AGFG1: variants seen among roughly 807,000 people sequenced by gnomAD.
The protein encoded by AGFG1 is arf-GAP domain and FG repeat-containing protein 1.
AGFG1 carries 10 observed loss-of-function variants against 60.6 expected under a neutral mutation model. The observed-to-expected ratio is 0.16, with a 90% CI of 0.10 to 0.28. AGFG1 has a LOEUF of 0.28. Ranked by LOEUF, AGFG1 falls within the 10% of genes least tolerant of loss-of-function variation. The probability of loss-of-function intolerance (pLI) is 1.00; values close to 1 mark genes in which losing one functional copy is unlikely to be tolerated. For synonymous variants in AGFG1, 247 were observed against 242.9 expected, an observed-to-expected ratio of 1.02 and a Z score of -0.16; for missense variants, 537 against 676.5, an observed-to-expected ratio of 0.79 and a Z score of 2.29.
intron 1 of AGFG1, among the ~76,000 whole-genome samples, chr2:227,491,029 A>G (rs1356600411): frequency 6.6e-6 from 1 of 152,180 alleles, no homozygotes; most frequent in Non-Finnish European, 1.5e-5. Context: ...ATGGCAAGAT[A>G]GGACTTTACT....
chr2:227,533,120 C>T (rs1362753625), intron 6 of AGFG1, among the ~76,000 whole-genome samples: 1 of 152,102 alleles, frequency 6.6e-6, no homozygotes, highest in African/African-American at 2.4e-5. Flanking sequence ...AATCGCTACC[C>T]CTGGGATTGT....
intron 1 of AGFG1, among the ~76,000 whole-genome samples, chr2:227,480,046 C>T (rs1575059628): frequency 2.0e-5 from 3 of 152,170 alleles, no homozygotes; most frequent in South Asian, 2.1e-4. Flanking sequence ...TACTTTTATT[C>T]TGGTTGCTTG....
Position 227,531,078 on chromosome 2 carries a change from T to C in AGFG1, c.695-13T>C. ...CATATTCATTAACATATGTTGTTCC[T>C]TACCATTTACAGCTCAGAATTCTGC... On this transcript the variant is annotated splice_polypyrimidine_tract_variant and intron_variant, in intron 5 of 12. Transcript: ENST00000310078. 1 of 1,607,608 alleles carries C rather than the reference T, an allele frequency of 6.2e-7. No homozygotes were observed. The highest frequency in any genetic ancestry group is 8.5e-7 in the Non-Finnish European group (1 of 1,176,116).
intron 10 of AGFG1, among the ~76,000 whole-genome samples, chr2:227,538,584 T>C (rs930881057): frequency 3.3e-5 from 5 of 152,226 alleles, no homozygotes; most frequent in Non-Finnish European, 7.3e-5. Context: ...TCCCTCTCTA[T>C]AGAATGTGAA....
intron 2 of AGFG1, among the ~76,000 whole-genome samples, chr2:227,509,778 TAACAGTAA>T (rs1338744494): frequency 6.6e-6 from 1 of 151,906 alleles, no homozygotes; most frequent in East Asian, 1.9e-4. Flanking sequence ...TGGGGGTGGG[TAACAGTAA>T]AACACAAAGA....
At chr2:227,510,362 T>A (rs561585741) in intron 2 of AGFG1, among the ~76,000 whole-genome samples, 1 of 152,244 alleles carries the variant, frequency 6.6e-6, no homozygotes, top group South Asian at 2.1e-4. Context: ...GAAATTGAAT[T>A]AAGGTTCACA....
chr2:227,509,330 A>T (rs773690871), intron 2 of AGFG1, among the ~76,000 whole-genome samples: 1 of 152,156 alleles, frequency 6.6e-6, no homozygotes, highest in Non-Finnish European at 1.5e-5. Flanking sequence ...CTTCAAAGAT[A>T]TCATAGTCAT....
At chr2:227,495,923 C>A (rs1056047587) in intron 2 of AGFG1, among the ~76,000 whole-genome samples, 1 of 150,482 alleles carries the variant, frequency 6.6e-6, no homozygotes, top group Non-Finnish European at 1.5e-5. Context: ...GCCAACGTGG[C>A]GAAACTCTGT....
Position 227,478,230 on chromosome 2 carries a change from A to G in AGFG1, c.167+5642A>G, listed in dbSNP as rs1179166311. Among the ~76,000 whole-genome samples, 4 of 101,610 alleles carry G rather than the reference A, an allele frequency of 3.9e-5. No individual in the cohort carries two copies. The South Asian group carries it at 1.7e-3, about 44-fold the overall frequency. 66.7% of individuals were successfully genotyped at this position (101,610 alleles called of 152,430 possible). ...TTTATCAAAAAATTCAGTTAAAGCA[A>G]GCAATCAGTAAAAAAAAAAAAATAC... On this transcript the variant is annotated intron_variant, in intron 1 of 12. Transcript: ENST00000310078.
rs184503433 is a variant in AGFG1 at position 227,546,293 on chromosome 2, G to T, written c.1379-5666G>T. On this transcript the variant is annotated intron_variant, in intron 10 of 12. Coordinates refer to ENST00000310078, the MANE Select transcript of AGFG1 (RefSeq NM_004504.5). ...CATGGGTGTGGGACCTGCTGAGCCA[G>T]GCGCGGGATATAATCTTCTGGTGTG... Among the ~76,000 whole-genome samples the T allele has an allele frequency of 2.1e-3, 326 of 152,340 alleles. 2 individuals carry two copies. The highest frequency in any genetic ancestry group is 7.6e-3 in the African/African-American group (314 of 41,580).
intron 1 of AGFG1, among the ~76,000 whole-genome samples, chr2:227,473,871 G>C (rs1410192867): frequency 6.6e-6 from 1 of 151,978 alleles, no homozygotes; most frequent in Non-Finnish European, 1.5e-5. Flanking sequence ...CATTTTTTTT[G>C]GTGCCTATTA....
chr2:227,536,375 C>G (rs1404865979), intron 8 of AGFG1, among the ~76,000 whole-genome samples: 1 of 152,074 alleles, frequency 6.6e-6, no homozygotes, highest in African/African-American at 2.4e-5. Flanking sequence ...CTAGTCGTTA[C>G]AATAGTCATA....
intron 1 of AGFG1, among the ~76,000 whole-genome samples, chr2:227,490,923 T>G (rs915687249): frequency 6.6e-6 from 1 of 152,228 alleles, no homozygotes; most frequent in Non-Finnish European, 1.5e-5. Context: ...GCAATTTTTT[T>G]GAATCTCTTC....
chr2:227,499,890 C>T (rs1035380603), intron 2 of AGFG1, among the ~76,000 whole-genome samples: 4 of 152,204 alleles, frequency 2.6e-5, no homozygotes, highest in East Asian at 1.9e-4. Context: ...GGGACACGGA[C>T]GCAGCCCGAG....
intron 3 of AGFG1, among the ~76,000 whole-genome samples, chr2:227,520,821 G>A (rs1276863697): frequency 1.3e-5 from 2 of 152,168 alleles, no homozygotes; most frequent in South Asian, 2.1e-4. Context: ...CATCTTGGGA[G>A]GTTAACAAGA....
chr2:227,510,760 A>T (rs1158372572), intron 2 of AGFG1: 1 of 152,202 alleles, frequency 6.6e-6, no homozygotes, highest in Admixed American at 6.5e-5. Flanking sequence ...CTTAAGTGAA[A>T]TAAGGTATGG....
chr2:227,533,445 A>T (rs1692219308), intron 6 of AGFG1, 104 bp from the exon 7 acceptor site: 1 of 996,270 alleles, frequency 1.0e-6, no homozygotes, highest in African/African-American at 1.6e-5. Flanking sequence ...ATGTTGTAAG[A>T]TTGCTTATAG....
chr2:227,514,269 T>C (rs1461488619), intron 2 of AGFG1, among the ~76,000 whole-genome samples: 1 of 152,194 alleles, frequency 6.6e-6, no homozygotes, highest in Admixed American at 6.5e-5. Flanking sequence ...TGGAGTACAG[T>C]GGCACGATCT....
In AGFG1 at chr2:227,557,809, C is replaced by G. The variant is rs1311840385; in HGVS notation, c.*3314C>G. 1.3e-5 allele frequency: 2 copies of G among 152,174 alleles called. No individual in the cohort carries two copies. The highest frequency in any genetic ancestry group is 4.8e-5 in the African/African-American group (2 of 41,444). 9.4% of individuals were successfully genotyped at this position (152,174 alleles called of 1,614,324 possible). ...CACAGCATACACACGCTGGAAAACT[C>G]CACTGTGCACTTGTGAGATCAGGAG... On this transcript the variant is annotated 3_prime_UTR_variant, in exon 13 of 13. Coordinates refer to ENST00000310078, the MANE Select transcript of AGFG1 (RefSeq NM_004504.5).
Sources: allele counts gnomAD v4.1 joint callset (sites outside exome capture counted in the v4.1 genomes callset), GRCh38; gene constraint gnomAD v4.1.1; transcripts MANE v1.5; gene names NCBI Gene and HGNC (gene_info 2026-07-23, HGNC 2026-07-21).